The following PTPRD variants were observed in gnomAD, a reference collection of about 807,000 sequenced individuals.
PTPRD encodes the protein protein tyrosine phosphatase receptor type D.
Under a neutral mutation model 214.5 loss-of-function variants are expected in PTPRD, and 34 were observed. That is an observed-to-expected ratio of 0.16 (90% CI 0.12 to 0.21). The LOEUF (loss-of-function observed/expected upper bound fraction) is 0.21, where lower values mean the gene tolerates loss of function less well. PTPRD is among the 10% of genes least tolerant of loss of function. The pLI is 1.00. For synonymous variants in PTPRD, 1,128 were observed against 845.7 expected (o/e 1.33, Z -5.79); for missense variants, 2,545 against 2,398.7 (o/e 1.06, Z -1.27).
chr9:8,811,638 T>C (rs1194074330), intron 11 of PTPRD, among the ~76,000 whole-genome samples: 1 of 152,170 alleles, frequency 6.6e-6, no homozygotes, highest in Non-Finnish European at 1.5e-5. Context: ...ACTTTTTTTT[T>C]TTCTGAAAGG....
intron 5 of PTPRD, among the ~76,000 whole-genome samples, chr9:9,885,934 T>C (rs2070727558): frequency 6.6e-6 from 1 of 151,900 alleles, no homozygotes; most frequent in South Asian, 2.1e-4. Context: ...AGTGTAGATT[T>C]TGTCTAATGT....
chr9:10,429,276 G>C (rs1430024926), intron 2 of PTPRD, among the ~76,000 whole-genome samples: 1 of 151,870 alleles, frequency 6.6e-6, no homozygotes, highest in Non-Finnish European at 1.5e-5. Flanking sequence ...AAAGTATGAA[G>C]AGTTCGCAAA....
intron 7 of PTPRD, among the ~76,000 whole-genome samples, chr9:9,665,013 T>A (rs1363965835): frequency 6.6e-6 from 1 of 151,752 alleles, no homozygotes; most frequent in Non-Finnish European, 1.5e-5. Context: ...TTATTATATG[T>A]CAACAAATAA....
intron 32 of PTPRD, among the ~76,000 whole-genome samples, chr9:8,465,100 G>C (rs900148629): frequency 1.3e-5 from 2 of 151,944 alleles, no homozygotes; most frequent in Non-Finnish European, 2.9e-5. Context: ...TTATGCAACA[G>C]TCTCCTTTTT....
At chr9:9,635,503 A>T (rs550968862) in intron 7 of PTPRD, among the ~76,000 whole-genome samples, 3 of 152,160 alleles carry the variant, frequency 2.0e-5, no homozygotes, top group African/African-American at 7.2e-5. Context: ...GTTTCATTCA[A>T]TTCTGGGGAC....
chr9:9,621,624 A>AT (rs1201918924), intron 7 of PTPRD, among the ~76,000 whole-genome samples: 4 of 152,322 alleles, frequency 2.6e-5, no homozygotes, highest in Admixed American at 6.5e-5. Context: ...CCAAATAGGC[A>AT]TTACCCTTCC....
At chr9:9,309,043 A>G (rs1958042815) in intron 9 of PTPRD, among the ~76,000 whole-genome samples, 1 of 152,152 alleles carries the variant, frequency 6.6e-6, no homozygotes, top group East Asian at 1.9e-4. Context: ...TGTTTTAGGC[A>G]TTTATTTTTC....
rs546310535 is a variant in PTPRD, at chr9:8,623,159, C to CA, written c.352+10157dup. 4.2e-3 allele frequency among the ~76,000 whole-genome samples: 639 copies of CA among 151,788 alleles called. 4 individuals carry two copies. The highest frequency in any genetic ancestry group is 0.015 in the African/African-American group (620 of 41,434). ...AAGTGGTACCCTGTCTCTAAAAAAA[C>CA]AAAAAACACAAATGTTTATGGAAAA... On this transcript the variant is annotated intron_variant, in intron 14 of 45. Transcript: ENST00000381196.
intron 8 of PTPRD, among the ~76,000 whole-genome samples, chr9:9,514,562 G>C (rs1304190398): frequency 6.6e-6 from 1 of 152,076 alleles, no homozygotes; most frequent in Non-Finnish European, 1.5e-5. Context: ...TAATGTCCAA[G>C]TTAAAATTGC....
intron 8 of PTPRD, among the ~76,000 whole-genome samples, chr9:9,407,965 T>C (rs905020501): frequency 5.3e-5 from 8 of 151,810 alleles, no homozygotes; most frequent in African/African-American, 1.7e-4. Context: ...GGAAGACTTT[T>C]AATTTTTATT....
At chr9:8,718,615 G>C (rs1031964381) in intron 12 of PTPRD, among the ~76,000 whole-genome samples, 6 of 152,062 alleles carry the variant, frequency 3.9e-5, no homozygotes, top group Admixed American at 3.3e-4. Context: ...TTCATATTAA[G>C]CCAAGAGTTT....
intron 5 of PTPRD, among the ~76,000 whole-genome samples, chr9:9,872,558 C>G (rs747529334): frequency 7.9e-5 from 12 of 152,052 alleles, no homozygotes; most frequent in Non-Finnish European, 1.6e-4. Context: ...TCACTGTACT[C>G]CAGCCTGGGC....
At chr9:9,910,387 T>A (rs1237320599) in intron 5 of PTPRD, among the ~76,000 whole-genome samples, 1 of 151,986 alleles carries the variant, frequency 6.6e-6, no homozygotes, top group Non-Finnish European at 1.5e-5. Flanking sequence ...TCAGTCAACA[T>A]CTGTATACGA....
rs555883510 is a variant in PTPRD at position 8,500,950 on chromosome 9, T to G, written c.1932A>C (p.Glu644Asp). 2.1e-5 allele frequency: 34 copies of G among 1,614,134 alleles called. No individual in the cohort carries two copies. Among genetic ancestry groups the G allele is most frequent in the Admixed American group, 2.0e-4 (12 of 60,020 alleles). ...PVEKQNGIIT[E>D]YSIKYTAVDG... Reference sequence around the variant, plus strand: ...CCACTGCAGTGTACTTGATGGAGTATTCAGTGATAATGCCATTCTGTTTTT... The same window carrying G: ...CCACTGCAGTGTACTTGATGGAGTAGTCAGTGATAATGCCATTCTGTTTTT... The change falls in exon 24 of 46, where the codon GAA (glutamate) becomes GAC (aspartate). Residue 644 changes from glutamate (E) to aspartate (D), a missense_variant. Physicochemically the swap from Glu to Asp is conservative, Grantham distance 45. Transcript: ENST00000381196.
intron 11 of PTPRD, among the ~76,000 whole-genome samples, chr9:8,752,038 G>A (rs1333824412): frequency 6.6e-6 from 1 of 152,144 alleles, no homozygotes; most frequent in African/African-American, 2.4e-5. Flanking sequence ...AGCTCTGCAT[G>A]GTCCCTTCCA....
chr9:10,190,524 C>T (rs958242543), intron 3 of PTPRD, among the ~76,000 whole-genome samples: 1 of 150,272 alleles, frequency 6.7e-6, no homozygotes, highest in African/African-American at 2.4e-5. Context: ...TCAAGACTAG[C>T]CTGGCCAACA....
chr9:10,043,966 G>A (rs540381551), intron 3 of PTPRD, among the ~76,000 whole-genome samples: 10 of 151,664 alleles, frequency 6.6e-5, no homozygotes, highest in Non-Finnish European at 1.5e-5. Context: ...TTTATTATTT[G>A]TAACACAGAG....
chr9:8,374,711 A>G (rs2082703040), intron 39 of PTPRD, among the ~76,000 whole-genome samples: 1 of 152,044 alleles, frequency 6.6e-6, no homozygotes, highest in South Asian at 2.1e-4. Flanking sequence ...GTGCTTTGAA[A>G]TTAGTAAAAT....
chr9:9,340,290 A>T (rs914997978), intron 9 of PTPRD, among the ~76,000 whole-genome samples: 2 of 152,214 alleles, frequency 1.3e-5, no homozygotes, highest in Admixed American at 6.5e-5. Context: ...TGCATATAAG[A>T]TATGGAATGA....
Sources: gnomAD v4.1 joint callset for allele counts (sites outside exome capture counted in the v4.1 genomes callset) on GRCh38, gnomAD v4.1.1 for gene constraint, MANE v1.5 for transcripts, NCBI Gene and HGNC (gene_info 2026-07-23, HGNC 2026-07-21) for gene names.